DLGAP2: variants seen among roughly 807,000 people sequenced by gnomAD.
DLGAP2 encodes disks large-associated protein 2.
A neutral mutation model predicts 100.3 loss-of-function variants in DLGAP2; 26 were observed. The observed-to-expected ratio is 0.26, with a 90% CI of 0.19 to 0.36. The LOEUF is 0.36. DLGAP2 is among the 10% of genes least tolerant of loss of function. The pLI is 1.00. For missense variants in DLGAP2, 1,858 were observed against 1,453.2 expected, an observed-to-expected ratio of 1.28 and a Z score of -4.53; for synonymous variants, 886 against 630.1, an observed-to-expected ratio of 1.41 and a Z score of -6.08.
intron 3 of DLGAP2, among the ~76,000 whole-genome samples, chr8:1,389,306 G>T (rs542816838): frequency 7.6e-6 from 1 of 131,444 alleles, no homozygotes; most frequent in African/African-American, 3.2e-5. Context: ...GGAGGAGGAT[G>T]GGAAGGCGAC....
chr8:1,510,567 G>T (rs1476027789), intron 4 of DLGAP2, among the ~76,000 whole-genome samples: 2 of 152,214 alleles, frequency 1.3e-5, no homozygotes, highest in Non-Finnish European at 2.9e-5. Context: ...CTCTGCGTGG[G>T]CTCCCTGCGT....
chr8:813,784 G>A (rs1796414279), intron 1 of DLGAP2, among the ~76,000 whole-genome samples: 1 of 152,134 alleles, frequency 6.6e-6, no homozygotes, highest in African/African-American at 2.4e-5. Flanking sequence ...TCCACTGACT[G>A]AGGCTGCACA....
rs1459770050 is a variant in DLGAP2, at chr8:965,434, C to T, written c.73+57468C>T. 4.8e-5 allele frequency among the ~76,000 whole-genome samples: 4 copies of T among 83,592 alleles called. 1 individual carries two copies. The highest frequency in any genetic ancestry group is 5.3e-5 in the African/African-American group (1 of 18,960). The allele number at this position is 83,592 out of a possible 152,430, so 54.8% of individuals were successfully genotyped here. On this transcript the variant is annotated intron_variant, in intron 2 of 14. Transcript: ENST00000637795. ...GAGCCCGACCCCCGCATGCACACAG[C>T]GCTGTTCACCACACAGGGCTCCTGA...
chr8:1,006,721 G>A (rs1385238796), intron 2 of DLGAP2, among the ~76,000 whole-genome samples: 16 of 111,224 alleles, frequency 1.4e-4, no homozygotes, highest in Non-Finnish European at 2.6e-4. Flanking sequence ...ATCACATCAG[G>A]GACACCGTGT....
chr8:1,649,436 T>C (rs1410751892), intron 8 of DLGAP2, among the ~76,000 whole-genome samples: 1 of 152,264 alleles, frequency 6.6e-6, no homozygotes, highest in Non-Finnish European at 1.5e-5. Context: ...TAGGCCATTT[T>C]AATGTTCCCA....
At chr8:1,327,064 C>T (rs1406850218) in intron 3 of DLGAP2, among the ~76,000 whole-genome samples, 5 of 152,256 alleles carry the variant, frequency 3.3e-5, no homozygotes, top group Admixed American at 2.6e-4. Context: ...CGGGCAGGCC[C>T]CTGGAGGCAG....
chr8:981,218 A>C (rs1023506551), intron 2 of DLGAP2, among the ~76,000 whole-genome samples: 3 of 152,156 alleles, frequency 2.0e-5, no homozygotes, highest in African/African-American at 7.2e-5. Context: ...TAGTGTTTCC[A>C]AGGCTCATCT....
chr8:1,204,857 C>G (rs1229554459), intron 2 of DLGAP2, among the ~76,000 whole-genome samples: 3 of 152,174 alleles, frequency 2.0e-5, no homozygotes, highest in Non-Finnish European at 2.9e-5. Flanking sequence ...TACAGATGGC[C>G]TTGAACACCG....
intron 1 of DLGAP2, among the ~76,000 whole-genome samples, chr8:795,592 C>G (rs1341916256): frequency 7.1e-6 from 1 of 140,934 alleles, no homozygotes; most frequent in East Asian, 2.1e-4. Context: ...GCATCGGAGA[C>G]TCACAGGTCC....
chr8:907,221 A>G (rs1374055272), intron 1 of DLGAP2, among the ~76,000 whole-genome samples: 1 of 152,242 alleles, frequency 6.6e-6, no homozygotes, highest in South Asian at 2.1e-4. Flanking sequence ...CGTGTGGAGT[A>G]TTTAGGATAA....
chr8:1,548,532 T>C, intron 4 of DLGAP2, 94 bp from the exon 5 acceptor site: 2 of 1,133,992 alleles, frequency 1.8e-6, no homozygotes, highest in Non-Finnish European at 2.4e-6. Context: ...TGGACACTGA[T>C]TAATGAAGTC....
intron 6 of DLGAP2, among the ~76,000 whole-genome samples, chr8:1,616,068 G>A (rs1465432307): frequency 6.6e-6 from 1 of 152,148 alleles, no homozygotes; most frequent in Non-Finnish European, 1.5e-5. Context: ...ATGAGAAAGA[G>A]ACAAATTGAA....
intron 8 of DLGAP2, among the ~76,000 whole-genome samples, chr8:1,656,696 C>T (rs1038234875): frequency 1.3e-5 from 2 of 152,190 alleles, no homozygotes; most frequent in Non-Finnish European, 2.9e-5. Context: ...AGCATCAACA[C>T]TCTTCATTTC....
At chr8:1,129,685 T>C (rs1796245162) in intron 2 of DLGAP2, among the ~76,000 whole-genome samples, 1 of 152,170 alleles carries the variant, frequency 6.6e-6, no homozygotes, top group African/African-American at 2.4e-5. Flanking sequence ...GTGGATACAG[T>C]TCGAGTTGGT....
intron 2 of DLGAP2, among the ~76,000 whole-genome samples, chr8:1,120,069 C>A: frequency 6.6e-6 from 1 of 152,162 alleles, no homozygotes; most frequent in South Asian, 2.1e-4. Context: ...CAGGAAAATC[C>A]CTACTACATC....
intron 1 of DLGAP2, among the ~76,000 whole-genome samples, chr8:787,725 C>T (rs571114925): frequency 1.3e-4 from 20 of 152,330 alleles, no homozygotes; most frequent in Non-Finnish European, 2.1e-4. Context: ...GGGGCTGTCT[C>T]AGCCTACATC....
intron 3 of DLGAP2, among the ~76,000 whole-genome samples, chr8:1,407,641 G>A (rs1243948180): frequency 1.6e-4 from 9 of 56,832 alleles, no homozygotes; most frequent in African/African-American, 5.6e-4. Context: ...CTTACTGAGC[G>A]CCACCTCCTC....
intron 3 of DLGAP2, among the ~76,000 whole-genome samples, chr8:1,425,008 C>G (rs374601606): frequency 2.6e-5 from 4 of 152,092 alleles, no homozygotes; most frequent in Non-Finnish European, 4.4e-5. Context: ...ACAAAAATGC[C>G]CATGATGGTG....
At chr8:752,109 G>A (rs768938468) in intron 1 of DLGAP2, among the ~76,000 whole-genome samples, 5 of 152,186 alleles carry the variant, frequency 3.3e-5, no homozygotes, top group African/African-American at 1.2e-4. Context: ...CTCACTTGCC[G>A]CTTCGAGGTG....
Sources: gnomAD v4.1 joint callset for allele counts (sites outside exome capture counted in the v4.1 genomes callset) on GRCh38, gnomAD v4.1.1 for gene constraint, MANE v1.5 for transcripts, NCBI Gene and HGNC (gene_info 2026-07-23, HGNC 2026-07-21) for gene names.